AGPAT4: variants seen among roughly 807,000 people sequenced by gnomAD.
AGPAT4 encodes 1-acyl-sn-glycerol-3-phosphate acyltransferase delta.
A neutral mutation model predicts 48.0 loss-of-function variants in AGPAT4; 15 were observed. The observed-to-expected ratio is 0.31, with a 90% CI of 0.21 to 0.48. The LOEUF is 0.48. Among genes scored for constraint, AGPAT4 ranks in the 20% least tolerant of loss-of-function variants. The pLI, the probability that AGPAT4 is intolerant of heterozygous loss-of-function variation, is 0.99. For missense variants in AGPAT4, 314 were observed against 482.5 expected (o/e 0.65, Z 3.27); for synonymous variants, 178 against 198.7 (o/e 0.90, Z 0.88).
At chr6:161,228,963 G>A (rs931433197) in intron 2 of AGPAT4, among the ~76,000 whole-genome samples, 1 of 151,700 alleles carries the variant, frequency 6.6e-6, no homozygotes, top group Non-Finnish European at 1.5e-5. Context: ...GCTGCCACTA[G>A]AATAAAATTC....
intron 1 of AGPAT4, among the ~76,000 whole-genome samples, chr6:161,268,488 G>A (rs1783330291): frequency 6.6e-6 from 1 of 152,152 alleles, no homozygotes; most frequent in African/African-American, 2.4e-5. Context: ...GCCCTGGTGT[G>A]TGTTGTTCCC....
rs941449786 is a variant in AGPAT4, at chr6:161,137,163, T to C, written c.1043-529A>G. Among the ~76,000 whole-genome samples, 56 of 152,246 alleles carry C rather than the reference T, an allele frequency of 3.7e-4. No individual in the cohort carries two copies. The highest frequency in any genetic ancestry group is 4.6e-4 in the Admixed American group (7 of 15,298). ...GGCAGGATTTGCCTACACCAGAGAA[T>C]GGGCAGGACCCTCGTGGGAGCCCAG... On this transcript the variant is annotated intron_variant, in intron 8 of 8. Transcript: ENST00000320285. The surrounding 1 kb of genome is among the most constrained non-coding windows in gnomAD (Gnocchi z 6.1).
chr6:161,271,310 C>T (rs186961887), intron 1 of AGPAT4, among the ~76,000 whole-genome samples: 65 of 152,338 alleles, frequency 4.3e-4, no homozygotes, highest in African/African-American at 1.6e-3. Context: ...AAAGCTTCAG[C>T]AGCAGGATGA....
Position 161,246,992 on chromosome 6 carries a change from C to G in AGPAT4, c.-89-14690G>C, listed in dbSNP as rs146604268. ...CAAGTTATTCTCCCTGCAAAATCCA[C>G]GCAGATGAACCCACAAGATTGCTCT... On this transcript the variant is annotated intron_variant, in intron 1 of 8. Coordinates refer to ENST00000320285, the MANE Select transcript of AGPAT4 (RefSeq NM_020133.3). This position sits in a 1 kb window ranked among gnomAD's most constrained non-coding sequence, Gnocchi z 5.5. 6.6e-6 allele frequency among the ~76,000 whole-genome samples: 1 copy of G among 152,220 alleles called. No individual in the cohort carries two copies. The highest frequency in any genetic ancestry group is 2.4e-5 in the African/African-American group (1 of 41,456).
At position 161,131,105 on chromosome 6, in the gene AGPAT4, C is replaced by CA. The variant is rs1778886762; in HGVS notation, c.*5434dup. The CA allele has an allele frequency of 6.8e-6, 2 of 293,552 alleles. No homozygotes were observed. Among genetic ancestry groups the CA allele is most frequent in the South Asian group, 3.1e-5 (1 of 32,056 alleles). 18.2% of individuals were successfully genotyped at this position (293,552 alleles called of 1,614,324 possible). On this transcript the variant is annotated 3_prime_UTR_variant, in exon 9 of 9. Transcript: ENST00000320285. ...GCAGAACCAGAGGTGCCAGAAATGT[C>CA]AAAAAATATCTAGTCATTCCAATAT...
Position 161,231,935 on chromosome 6 carries a change from CT to C in AGPAT4, c.178+100del. 8.2e-7 allele frequency: 1 copy of C among 1,218,126 alleles called. No homozygotes were observed. The allele number at this position is 1,218,126 out of a possible 1,614,324, so 75.5% of individuals were successfully genotyped here. On this transcript the variant is annotated intron_variant, in intron 2 of 8. Coordinates refer to ENST00000320285, the MANE Select transcript of AGPAT4 (RefSeq NM_020133.3). This position sits in a 1 kb window ranked among gnomAD's most constrained non-coding sequence, Gnocchi z 5.3. ...AAACAAAAACAAAACAAAAAAACAG[CT>C]CGGCACACAACGAAAGCCTAGTGAA... is the stretch of plus-strand genomic sequence containing the variant.
Position 161,177,286 on chromosome 6 carries a change from AC to A in AGPAT4, c.179-10870del, listed in dbSNP as rs1780454447. Among the ~76,000 whole-genome samples, 1 of 152,164 alleles carries A rather than the reference AC, an allele frequency of 6.6e-6. No homozygotes were observed. The highest frequency in any genetic ancestry group is 1.5e-5 in the Non-Finnish European group (1 of 68,028). On this transcript the variant is annotated intron_variant, in intron 2 of 8. Coordinates refer to ENST00000320285, the MANE Select transcript of AGPAT4 (RefSeq NM_020133.3). The surrounding 1 kb of genome is among the most constrained non-coding windows in gnomAD (Gnocchi z 5.0). The stretch of plus-strand genomic sequence containing the variant: ...CGTCACTTTCAGGTACATCAATCAG[AC>A]GTAGATTTGGTCTTTTCACATAGTC...
At position 161,218,592 on chromosome 6, in the gene AGPAT4, G is replaced by A. The variant is rs145327230; in HGVS notation, c.178+13444C>T. Among the ~76,000 whole-genome samples, 10 of 152,192 alleles carry A rather than the reference G, an allele frequency of 6.6e-5. No homozygotes were observed. Among genetic ancestry groups the A allele is most frequent in the African/African-American group, 2.2e-4 (9 of 41,444 alleles). ...AGCCAAGACTCCAGGCTCCAAGTGC[G>A]TGTTACCATAACACCGGGGCAGGAT... On this transcript the variant is annotated intron_variant, in intron 2 of 8. Transcript: ENST00000320285. This position sits in a 1 kb window ranked among gnomAD's most constrained non-coding sequence, Gnocchi z 4.7.
intron 2 of AGPAT4, among the ~76,000 whole-genome samples, chr6:161,210,967 T>C (rs1781506896): frequency 6.6e-6 from 1 of 152,252 alleles, no homozygotes. Context: ...TTTGTTATCA[T>C]CTTTGTTTCA....
chr6:161,136,048 C>T lies in AGPAT4; in HGVS notation c.*492G>A, dbSNP rs887037685. The T allele has an allele frequency of 2.5e-5, 4 of 158,634 alleles. No individual in the cohort carries two copies. Among genetic ancestry groups the T allele is most frequent in the South Asian group, 1.9e-4 (1 of 5,358 alleles). The allele number at this position is 158,634 out of a possible 1,614,324, so 9.8% of individuals were successfully genotyped here. A position where few individuals can be genotyped will look rare whatever the true frequency, so the allele number is the denominator to read the frequency against. The stretch of plus-strand genomic sequence containing the variant: ...GGGCAAGGGCAGGATGGAGGGGCAG[C>T]GGTCCATGTCAACATACACCACAGA... On this transcript the variant is annotated 3_prime_UTR_variant, in exon 9 of 9. Coordinates refer to ENST00000320285, the MANE Select transcript of AGPAT4 (RefSeq NM_020133.3).
intron 8 of AGPAT4, among the ~76,000 whole-genome samples, chr6:161,136,858 C>A (rs1188242579): frequency 6.6e-6 from 1 of 152,218 alleles, no homozygotes; most frequent in East Asian, 1.9e-4. Flanking sequence ...GGGGGTTTTC[C>A]TCCTTGGACC....
rs563229691 is a variant in AGPAT4 at position 161,262,292 on chromosome 6, C to T, written c.-90+11646G>A. Among the ~76,000 whole-genome samples, 2 of 152,258 alleles carry T rather than the reference C, an allele frequency of 1.3e-5. No individual in the cohort carries two copies. Among genetic ancestry groups the T allele is most frequent in the South Asian group, 4.1e-4 (2 of 4,820 alleles). On this transcript the variant is annotated intron_variant, in intron 1 of 8. Coordinates refer to ENST00000320285, the MANE Select transcript of AGPAT4 (RefSeq NM_020133.3). The surrounding 1 kb of genome is among the most constrained non-coding windows in gnomAD (Gnocchi z 4.9). ...ATGCTTCCTAGGTGATCCTCATGTG[C>T]AGGCAATGTTGAGAACATGGGTTAG...
chr6:161,197,753 G>T lies in AGPAT4; in HGVS notation c.179-31336C>A, dbSNP rs1225555690. On this transcript the variant is annotated intron_variant, in intron 2 of 8. Transcript: ENST00000320285. The surrounding 1 kb of genome is among the most constrained non-coding windows in gnomAD (Gnocchi z 5.7). ...GAGACCACTGGCCTAGCCCCAGGGA[G>T]GTCACCCACAGAGGGCACCCAGGAG... Among the ~76,000 whole-genome samples, 1 of 152,164 alleles carries T rather than the reference G, an allele frequency of 6.6e-6. No individual in the cohort carries two copies. The highest frequency in any genetic ancestry group is 1.5e-5 in the Non-Finnish European group (1 of 68,026).
rs1161490134 is a variant in AGPAT4 at position 161,204,881 on chromosome 6, T to C, written c.178+27155A>G. ...GAGTCAGCTATAAGAAGAATTTCAA[T>C]TGTGGTTAAGAAAAAAGAGTCACCT... On this transcript the variant is annotated intron_variant, in intron 2 of 8. Coordinates refer to ENST00000320285, the MANE Select transcript of AGPAT4 (RefSeq NM_020133.3). This position sits in a 1 kb window ranked among gnomAD's most constrained non-coding sequence, Gnocchi z 4.4. 2.0e-5 allele frequency among the ~76,000 whole-genome samples: 3 copies of C among 152,164 alleles called. No homozygotes were observed. The highest frequency in any genetic ancestry group is 7.2e-5 in the African/African-American group (3 of 41,452).
intron 1 of AGPAT4, among the ~76,000 whole-genome samples, chr6:161,273,617 C>A (rs1481962290): frequency 6.6e-6 from 1 of 152,048 alleles, no homozygotes; most frequent in Non-Finnish European, 1.5e-5. Flanking sequence ...AATGCTTTAG[C>A]CCCGGGAGGG....
intron 4 of AGPAT4, among the ~76,000 whole-genome samples, chr6:161,153,822 T>C (rs573183322): frequency 7.6e-5 from 11 of 144,224 alleles, no homozygotes; most frequent in African/African-American, 1.8e-4. Flanking sequence ...CACACAGCCC[T>C]GGGGTCACAC....
rs1360719586 is a variant in AGPAT4 at position 161,155,123 on chromosome 6, C to A, written c.349-813G>T. 6.6e-6 allele frequency among the ~76,000 whole-genome samples: 1 copy of A among 152,288 alleles called. No homozygotes were observed. The highest frequency in any genetic ancestry group is 1.9e-4 in the East Asian group (1 of 5,172). On this transcript the variant is annotated intron_variant, in intron 3 of 8. Transcript: ENST00000320285. The surrounding 1 kb of genome is among the most constrained non-coding windows in gnomAD (Gnocchi z 5.8). Reference sequence around the variant, plus strand: ...GTGCACGAGCTAGGCCCCACAGGTCCCCTCTGGGGAGTCTCAGGGCAGTCC... The same window carrying A: ...GTGCACGAGCTAGGCCCCACAGGTCACCTCTGGGGAGTCTCAGGGCAGTCC...
intron 1 of AGPAT4, among the ~76,000 whole-genome samples, chr6:161,247,205 G>A (rs1414512778): frequency 6.6e-6 from 1 of 152,164 alleles, no homozygotes; most frequent in Non-Finnish European, 1.5e-5. Flanking sequence ...TTAAAACAAA[G>A]AATCTTCTGT....
At position 161,133,306 on chromosome 6, in the gene AGPAT4, A is replaced by G. The variant is rs1261861856; in HGVS notation, c.*3234T>C. On this transcript the variant is annotated 3_prime_UTR_variant, in exon 9 of 9. Transcript: ENST00000320285. ...TTAAATCACTGTCCCACATATGGAT[A>G]TATTAGAAAAACCCTAATGTTTTAA... is the stretch of plus-strand genomic sequence containing the variant. 3 of 152,240 alleles carry G rather than the reference A, an allele frequency of 2.0e-5. No homozygotes were observed. The highest frequency in any genetic ancestry group is 4.4e-5 in the Non-Finnish European group (3 of 68,046). 9.4% of individuals were successfully genotyped at this position (152,240 alleles called of 1,614,324 possible).
Sources: gnomAD v4.1 joint callset for allele counts (sites outside exome capture counted in the v4.1 genomes callset) on GRCh38, gnomAD v4.1.1 for gene constraint, Gnocchi (gnomAD v3.1) non-coding constraint, MANE v1.5 for transcripts, NCBI Gene and HGNC (gene_info 2026-07-23, HGNC 2026-07-21) for gene names.